Variants in CMAS observed in about 807,000 individuals in gnomAD.
The protein encoded by CMAS is N-acylneuraminate cytidylyltransferase.
In CMAS, 21 loss-of-function variants were observed where a neutral mutation model predicts 53.4. The ratio of observed to expected loss-of-function variants is 0.39; its 90% CI spans 0.28 to 0.57. The LOEUF (loss-of-function observed/expected upper bound fraction) is 0.57, where lower values mean the gene tolerates loss of function less well. CMAS is among the 20% of genes least tolerant of loss of function. The pLI, the probability that CMAS is intolerant of heterozygous loss-of-function variation, is 0.56. For synonymous variants in CMAS, 189 were observed against 195.2 expected (o/e 0.97, Z 0.27); for missense variants, 384 against 534.9 (o/e 0.72, Z 2.78).
At chr12:22,060,573 G>T in intron 4 of CMAS, 1 of 299,998 alleles carries the variant, frequency 3.3e-6, no homozygotes. Context: ...AGGATTGCTT[G>T]AGCCTAAGAT....
chr12:22,053,123 A>G (rs1462824065), intron 1 of CMAS, among the ~76,000 whole-genome samples: 2 of 151,916 alleles, frequency 1.3e-5, no homozygotes, highest in Non-Finnish European at 2.9e-5. Flanking sequence ...GCAAAACCCC[A>G]TCTTTACTAA....
intron 6 of CMAS, among the ~76,000 whole-genome samples, chr12:22,061,948 C>T (rs953401718): frequency 6.6e-6 from 1 of 152,062 alleles, no homozygotes; most frequent in Non-Finnish European, 1.5e-5. Flanking sequence ...TATAGACTTT[C>T]CTCTGGATAA....
chr12:22,056,323 A>G (rs1950268231), intron 3 of CMAS, among the ~76,000 whole-genome samples: 1 of 152,122 alleles, frequency 6.6e-6, no homozygotes, highest in Non-Finnish European at 1.5e-5. Flanking sequence ...CTTGATTGTG[A>G]GTCACCTATT....
chr12:22,061,329 T>G lies in CMAS; in HGVS notation c.837T>G (p.Val279=). ...AGCTTAAGGAAATAAAACTTTTGGT[T>G]TGCAATATTGATGGATGTCTCACCA... ...KEKLKEIKLL[V]CNIDGCLTNG... Residue 279 remains valine, a synonymous_variant, in exon 6 of 8, where the codon GTT becomes GTG. Coordinates refer to ENST00000229329, the MANE Select transcript of CMAS (RefSeq NM_018686.6). 6.2e-7 allele frequency: 1 copy of G among 1,612,090 alleles called. No individual in the cohort carries two copies. Among genetic ancestry groups the G allele is most frequent in the Non-Finnish European group, 8.5e-7 (1 of 1,179,222 alleles).
At chr12:22,063,485 T>TAAAC (rs1402259739) in intron 7 of CMAS, among the ~76,000 whole-genome samples, 1 of 152,048 alleles carries the variant, frequency 6.6e-6, no homozygotes, top group African/African-American at 2.4e-5. Context: ...ACTTAGAATA[T>TAAAC]AAACACAAAC....
At chr12:22,046,589 G>A (rs375724390) in intron 1 of CMAS, 26 bp downstream of exon 1, 7 of 1,500,894 alleles carry the variant, frequency 4.7e-6, no homozygotes, top group South Asian at 2.6e-5. Context: ...AGTGGGCGGC[G>A]CGGCCTGGGC....
At chr12:22,064,884 G>A (rs563081714) in intron 7 of CMAS, among the ~76,000 whole-genome samples, 4 of 152,206 alleles carry the variant, frequency 2.6e-5, no homozygotes, top group Admixed American at 6.5e-5. Context: ...TAGCAATTAT[G>A]CTCCATTCTT....
At position 22,065,330 on chromosome 12, in the gene CMAS, GA is replaced by G. The variant is rs1220224739; in HGVS notation, c.*26del. ...AAAATAGAAATTAGCGTAATATTGA[GA>G]AAAAAATGATACAGCCTTCTTCAGC... On this transcript the variant is annotated 3_prime_UTR_variant, in exon 8 of 8. Transcript: ENST00000229329. 5 of 1,575,200 alleles carry G rather than the reference GA, an allele frequency of 3.2e-6. No homozygotes were observed. The highest frequency in any genetic ancestry group is 1.1e-5 in the South Asian group (1 of 88,444).
chr12:22,065,301 G>A lies in CMAS; in HGVS notation c.1295G>A (p.Cys432Tyr), dbSNP rs1165445750. 1 of 1,606,918 alleles carries A rather than the reference G, an allele frequency of 6.2e-7. No homozygotes were observed. Among genetic ancestry groups the A allele is most frequent in the Non-Finnish European group, 8.5e-7 (1 of 1,174,632 alleles). The change falls in exon 8 of 8, where the codon TGC becomes TAC. Residue 432 changes from cysteine to tyrosine, a missense_variant. By Grantham distance (194) the Cys-to-Tyr change is radical (BLOSUM62 -2). Transcript: ENST00000229329. Reference sequence around the variant, plus strand: ...CTAATGGAAAAGGTTAATAATTCATGCCAAAAATAGAAATTAGCGTAATAT... The same window carrying A: ...CTAATGGAAAAGGTTAATAATTCATACCAAAAATAGAAATTAGCGTAATAT... ...CLLMEKVNNS[C>Y]QK
chr12:22,061,543 ATTAACTCTTAAAAT>A, intron 6 of CMAS, 91 bp downstream of exon 6: 2 of 848,178 alleles, frequency 2.4e-6, no homozygotes, highest in Non-Finnish European at 3.4e-6. Context: ...AATTTTTAGT[ATTAACTCTTAAAAT>A]ATCTGAAATT....
At position 22,065,261 on chromosome 12, in the gene CMAS, G is replaced by C; in HGVS notation, c.1255G>C (p.Glu419Gln). 11 of 1,614,034 alleles carry C rather than the reference G, an allele frequency of 6.8e-6. No homozygotes were observed. The highest frequency in any genetic ancestry group is 9.3e-6 in the Non-Finnish European group (11 of 1,179,938). ...CCGTGGTGCCATCCGAGAATTTGCA[G>C]AGCACATTTGCCTACTAATGGAAAA... ...GGRGAIREFA[E>Q]HICLLMEKVN... The change falls in exon 8 of 8, where the codon GAG becomes CAG. Residue 419 changes from glutamate to glutamine, a missense_variant. By Grantham distance (29) the Glu-to-Gln change is conservative. Around this residue, in one of 3 missense-constraint regions of CMAS, gnomAD observed 134 missense variants for 154.6 expected, o/e 0.87. Transcript: ENST00000229329.
chr12:22,058,503 G>T, intron 3 of CMAS, 64 bp from the exon 4 acceptor site: 1 of 1,413,652 alleles, frequency 7.1e-7, no homozygotes, highest in Non-Finnish European at 9.6e-7. Flanking sequence ...AACTTTTTTA[G>T]TTACTAAATT....
intron 7 of CMAS, among the ~76,000 whole-genome samples, chr12:22,064,758 T>A (rs1950333856): frequency 6.6e-6 from 1 of 152,164 alleles, no homozygotes; most frequent in Non-Finnish European, 1.5e-5. Flanking sequence ...CTGATAATTT[T>A]TCAATATAAA....
Position 22,055,310 on chromosome 12 carries a change from GT to G in CMAS, c.403+22del. The G allele has an allele frequency of 1.3e-6, 2 of 1,553,898 alleles. No homozygotes were observed. The highest frequency in any genetic ancestry group is 1.8e-6 in the Non-Finnish European group (2 of 1,135,598). On this transcript the variant is annotated intron_variant, in intron 2 of 7. Transcript: ENST00000229329. Reference sequence around the variant, plus strand: ...CATAATGGTATGAATTTGATTAATAGTTTATTCAAACCTTTATGTACTTTTC... The same window carrying G: ...CATAATGGTATGAATTTGATTAATAGTTATTCAAACCTTTATGTACTTTTC...
Position 22,065,455 on chromosome 12 carries a change from C to A in CMAS, c.*144C>A. On this transcript the variant is annotated 3_prime_UTR_variant, in exon 8 of 8. Coordinates refer to ENST00000229329, the MANE Select transcript of CMAS (RefSeq NM_018686.6). ...TATATATATTGTGCTCTACTTTTCT[C>A]TTTACGCAAGATAATTATTTAGAGA... The A allele has an allele frequency of 1.6e-6, 1 of 608,886 alleles. No homozygotes were observed. The highest frequency in any genetic ancestry group is 2.8e-6 in the Non-Finnish European group (1 of 358,272). 37.7% of individuals were successfully genotyped at this position (608,886 alleles called of 1,614,324 possible).
chr12:22,055,175 A>C lies in CMAS; in HGVS notation c.287A>C (p.Glu96Ala), dbSNP rs1164701301. Residue 96 changes from glutamate to alanine, a missense_variant, in exon 2 of 8, where the codon GAA becomes GCA. Glu to Ala is a moderately radical substitution (Grantham distance 107). Coordinates refer to ENST00000229329, the MANE Select transcript of CMAS (RefSeq NM_018686.6). ...QSVWVSTDHD[E>A]IENVAKQFGA... ...GTATGGGTTTCGACAGACCATGATG[A>C]AATTGAGAATGTGGCCAAACAATTT... 1.2e-6 allele frequency: 2 copies of C among 1,613,284 alleles called. No homozygotes were observed. The highest frequency in any genetic ancestry group is 3.3e-5 in the Admixed American group (2 of 59,896).
At chr12:22,057,857 TCTGTTGC>T (rs1950278164) in intron 3 of CMAS, among the ~76,000 whole-genome samples, 1 of 150,542 alleles carries the variant, frequency 6.6e-6, no homozygotes, top group Non-Finnish European at 1.5e-5. Flanking sequence ...AGAGTCTCAC[TCTGTTGC>T]CCAGGCTGGA....
At chr12:22,062,591 A>G (rs914974688) in intron 7 of CMAS, among the ~76,000 whole-genome samples, 157 bp downstream of exon 7, 55 of 152,322 alleles carry the variant, frequency 3.6e-4, no homozygotes, top group African/African-American at 1.3e-3. Flanking sequence ...TTAAACTGGG[A>G]CAGTCTTTCT....
chr12:22,046,264 C>T lies in CMAS; in HGVS notation c.-40C>T. Reference sequence around the variant, plus strand: ...GAGCTGAGGTGGTGAGGGACTAGCTCCCGGATGTGGAGAAGCTGGGGAGAA... The same window carrying T: ...GAGCTGAGGTGGTGAGGGACTAGCTTCCGGATGTGGAGAAGCTGGGGAGAA... On this transcript the variant is annotated 5_prime_UTR_variant, in exon 1 of 8. Transcript: ENST00000229329. 1 of 1,413,000 alleles carries T rather than the reference C, an allele frequency of 7.1e-7. No individual in the cohort carries two copies. Among genetic ancestry groups the T allele is most frequent in the Non-Finnish European group, 9.3e-7 (1 of 1,080,678 alleles). 87.5% of individuals were successfully genotyped at this position (1,413,000 alleles called of 1,614,324 possible).
Sources: allele counts gnomAD v4.1 joint callset (sites outside exome capture counted in the v4.1 genomes callset), GRCh38; gene constraint gnomAD v4.1.1; regional missense constraint gnomAD v4.1.1; transcripts MANE v1.5; gene names NCBI Gene and HGNC (gene_info 2026-07-23, HGNC 2026-07-21).